Variants in HEMK2 observed in about 807,000 individuals in gnomAD.
HEMK2 encodes the protein HemK methyltransferase 2, ETF1 glutamine and histone H4 lysine.
At chr21:28,629,150 C>T in the HEMK2 span, among the ~76,000 whole-genome samples, 1 of 152,124 alleles carries the variant, frequency 6.6e-6, no homozygotes, top group African/African-American at 2.4e-5. Context: ...ATGTGAGAAA[C>T]CATAGAATTT....
the HEMK2 span, among the ~76,000 whole-genome samples, chr21:28,673,275 A>T: frequency 6.6e-6 from 1 of 152,326 alleles, no homozygotes; most frequent in Admixed American, 6.5e-5. Flanking sequence ...TTTAGCAATC[A>T]TTCAAATGAA....
At chr21:28,576,199 C>T in the HEMK2 span, among the ~76,000 whole-genome samples, 1 of 152,160 alleles carries the variant, frequency 6.6e-6, no homozygotes, top group Admixed American at 6.5e-5. Flanking sequence ...CCATTTTATT[C>T]CCCAACCAGC....
chr21:28,728,020 T>C, the HEMK2 span, among the ~76,000 whole-genome samples: 1 of 152,222 alleles, frequency 6.6e-6, no homozygotes, highest in South Asian at 2.1e-4. Flanking sequence ...TTCAGGGCCA[T>C]GAGCCAAGGA....
At chr21:28,877,141 AGAG>A in the HEMK2 span, among the ~76,000 whole-genome samples, 1 of 36,808 alleles carries the variant, frequency 2.7e-5, no homozygotes, top group African/African-American at 4.8e-5. Context: ...AGAGAAGAGA[AGAG>A]AGAGAGAGAA....
At chr21:28,772,529 C>T in the HEMK2 span, among the ~76,000 whole-genome samples, 1 of 152,104 alleles carries the variant, frequency 6.6e-6, no homozygotes, top group African/African-American at 2.4e-5. Flanking sequence ...CCTTAGAATG[C>T]TCTTAATTGC....
At chr21:28,838,926 C>T in the HEMK2 span, among the ~76,000 whole-genome samples, 3 of 93,766 alleles carry the variant, frequency 3.2e-5, no homozygotes, top group African/African-American at 4.2e-5. Flanking sequence ...GCAACAAGAG[C>T]GAAACTCTGA....
At chr21:28,584,511 T>A in the HEMK2 span, among the ~76,000 whole-genome samples, 1 of 152,312 alleles carries the variant, frequency 6.6e-6, no homozygotes, top group East Asian at 1.9e-4. Context: ...TTCTAAAATA[T>A]ATCTCAAAAA....
At chr21:28,669,931 T>A in the HEMK2 span, among the ~76,000 whole-genome samples, 8 of 152,286 alleles carry the variant, frequency 5.3e-5, no homozygotes, top group Admixed American at 5.2e-4. Flanking sequence ...ATAATTTTCC[T>A]AATTTTATGA....
At chr21:28,881,349 A>G in the HEMK2 span, among the ~76,000 whole-genome samples, 1 of 152,300 alleles carries the variant, frequency 6.6e-6, no homozygotes, top group South Asian at 2.1e-4. Context: ...TCCACATTCA[A>G]ATCTCCTTTG....
the HEMK2 span, among the ~76,000 whole-genome samples, chr21:28,722,985 T>A: frequency 3.3e-5 from 5 of 151,532 alleles, no homozygotes; most frequent in Admixed American, 2.6e-4. Context: ...CAGAACTCCA[T>A]ACAGGCCTTG....
chr21:28,624,639 G>T, the HEMK2 span, among the ~76,000 whole-genome samples: 1 of 152,108 alleles, frequency 6.6e-6, no homozygotes, highest in East Asian at 1.9e-4. Context: ...TGATTATTTG[G>T]GATCTAGAGA....
the HEMK2 span, among the ~76,000 whole-genome samples, chr21:28,643,348 G>C: frequency 6.3e-4 from 96 of 152,288 alleles, no homozygotes; most frequent in African/African-American, 2.2e-3. Flanking sequence ...AGAGGCTGAA[G>C]AGAGACTCCT....
chr21:28,716,693 G>T, the HEMK2 span, among the ~76,000 whole-genome samples: 1 of 152,076 alleles, frequency 6.6e-6, no homozygotes, highest in African/African-American at 2.4e-5. Flanking sequence ...CTTGTTCCAG[G>T]TCTTAAGGGA....
the HEMK2 span, among the ~76,000 whole-genome samples, chr21:28,869,972 G>A: frequency 6.6e-6 from 1 of 152,142 alleles, no homozygotes; most frequent in Non-Finnish European, 1.5e-5. Context: ...TTATCTGGGT[G>A]CCTGGTTCTC....
chr21:28,805,363 T>C, the HEMK2 span, among the ~76,000 whole-genome samples: 1 of 152,196 alleles, frequency 6.6e-6, no homozygotes, highest in Non-Finnish European at 1.5e-5. Context: ...ATTATATTAT[T>C]GGTTATTATA....
chr21:28,650,135 G>A, the HEMK2 span, among the ~76,000 whole-genome samples: 415 of 152,310 alleles, frequency 2.7e-3, 1 homozygote, highest in African/African-American at 9.3e-3. Flanking sequence ...GGTGGCTCAC[G>A]CCTGTAATCC....
the HEMK2 span, among the ~76,000 whole-genome samples, chr21:28,616,140 T>A: frequency 6.6e-6 from 1 of 152,210 alleles, no homozygotes; most frequent in East Asian, 1.9e-4. Context: ...AGCTTGCAGA[T>A]CAAATTGTCT....
chr21:28,648,271 T>C, the HEMK2 span, among the ~76,000 whole-genome samples: 1 of 152,228 alleles, frequency 6.6e-6, no homozygotes, highest in South Asian at 2.1e-4. Context: ...TTGACCCACT[T>C]TCCACTGGAA....
the HEMK2 span, among the ~76,000 whole-genome samples, chr21:28,871,263 G>A: frequency 3.9e-5 from 6 of 152,174 alleles, no homozygotes; most frequent in African/African-American, 9.7e-5. Flanking sequence ...TCCACAGGCC[G>A]TACAGGAAGC....
Sources: allele counts gnomAD v4.1 joint callset (sites outside exome capture counted in the v4.1 genomes callset), GRCh38; gene constraint gnomAD v4.1.1; transcripts MANE v1.5; gene names NCBI Gene and HGNC (gene_info 2026-07-23, HGNC 2026-07-21).